ZNFX1: variants seen among roughly 807,000 people sequenced by gnomAD.
ZNFX1 encodes the protein zinc finger NFX1-type containing 1.
Under a neutral mutation model 179.8 loss-of-function variants are expected in ZNFX1, and 78 were observed. That is an observed-to-expected ratio of 0.43 (90% CI 0.36 to 0.52). The LOEUF (loss-of-function observed/expected upper bound fraction) is 0.52. Ranked by LOEUF, ZNFX1 falls within the 20% of genes least tolerant of loss-of-function variation. The pLI, the probability that ZNFX1 is intolerant of heterozygous loss-of-function variation, is 0.00. For missense variants in ZNFX1, 1,927 were observed against 2,386.6 expected, an observed-to-expected ratio of 0.81 and a Z score of 4.01; for synonymous variants, 848 against 868.5, an observed-to-expected ratio of 0.98 and a Z score of 0.42.
rs1568980659 is a variant in ZNFX1 at position 49,248,755 on chromosome 20, CAGG to C, written c.4266_4268del (p.Leu1423del). ...TACACTTGACTAGCAGACCACCATA[CAGG>C]AGGCCTTCCACATGACCACATTTTA... On this transcript the variant is annotated inframe_deletion, in exon 14 of 14. Coordinates refer to ENST00000396105, the MANE Select transcript of ZNFX1 (RefSeq NM_021035.3). This position sits in a 1 kb window ranked among gnomAD's most constrained non-coding sequence, Gnocchi z 4.6. 1 of 1,613,866 alleles carries C rather than the reference CAGG, an allele frequency of 6.2e-7. No homozygotes were observed. The highest frequency in any genetic ancestry group is 1.7e-5 in the Admixed American group (1 of 60,036).
intron 6 of ZNFX1, among the ~76,000 whole-genome samples, chr20:49,262,040 TA>T (rs11478099): frequency 0.66 from 97,956 of 148,618 alleles, 33,545 homozygotes; most frequent in Non-Finnish European, 0.77. Flanking sequence ...ATCATATTGT[TA>T]AAAAAAAAAA....
Position 49,255,861 on chromosome 20 carries a change from G to C in ZNFX1, c.2751C>G (p.Asn917Lys). ...CCAGCTGCCAAACATCCTCGATCTC[G>C]TTGGCCTCGGCTGCAGTCATGGTGT... The part of the protein sequence containing the change: ...KLNTMTAAEA[N>K]EIEDVWQLDL... Residue 917 changes from asparagine (N) to lysine (K), a missense_variant, in exon 9 of 14, where the codon AAC becomes AAG. Asn to Lys is a moderately conservative substitution (Grantham distance 94). Transcript: ENST00000396105. 1 of 1,614,146 alleles carries C rather than the reference G, an allele frequency of 6.2e-7. No homozygotes were observed. Among genetic ancestry groups the C allele is most frequent in the Non-Finnish European group, 8.5e-7 (1 of 1,180,012 alleles).
In ZNFX1 at chr20:49,271,318, G is replaced by A. The variant is rs1600997303; in HGVS notation, c.494C>T (p.Ala165Val). The A allele has an allele frequency of 6.2e-7, 1 of 1,614,142 alleles. No homozygotes were observed. Among genetic ancestry groups the A allele is most frequent in the Non-Finnish European group, 8.5e-7 (1 of 1,180,020 alleles). ...KDPSEVVITL[A>V]TSLGLKELLS... ...GAGCTCTTTCAGCCCTAAACTTGTG[G>A]CAAGTGTGATGACCACCTCAGAAGG... Residue 165 changes from alanine to valine, a missense_variant, in exon 3 of 14, where the codon GCC becomes GTC. Coordinates refer to ENST00000396105, the MANE Select transcript of ZNFX1 (RefSeq NM_021035.3).
intron 8 of ZNFX1, 73 bp downstream of exon 8, chr20:49,257,344 T>C: frequency 6.3e-7 from 1 of 1,584,434 alleles, no homozygotes; most frequent in Non-Finnish European, 8.6e-7. Flanking sequence ...GTGAATATAC[T>C]GTATCAGAAG....
At position 49,257,456 on chromosome 20, in the gene ZNFX1, C is replaced by T. The variant is rs1296555738; in HGVS notation, c.2625G>A (p.Gly875=). 6.2e-7 allele frequency: 1 copy of T among 1,614,106 alleles called. No individual in the cohort carries two copies. The highest frequency in any genetic ancestry group is 2.2e-5 in the East Asian group (1 of 44,864). Residue 875 remains glycine, a synonymous_variant, in exon 8 of 14, where the codon GGG becomes GGA. Transcript: ENST00000396105. ...LAMRLDHCGT[G]TAAGQEQATG... ...TGGCTTGCTCCTGTCCAGCTGCTGTCCCAGTGCCACAATGGTCTAGCCTCA... is the reference window on the plus strand; with the variant it reads ...TGGCTTGCTCCTGTCCAGCTGCTGTTCCAGTGCCACAATGGTCTAGCCTCA...
Position 49,263,480 on chromosome 20 carries a change from T to G in ZNFX1, c.2155A>C (p.Met719Leu). 6.3e-7 allele frequency: 1 copy of G among 1,578,474 alleles called. No individual in the cohort carries two copies. The stretch of plus-strand genomic sequence containing the variant: ...TGCTCTGACTCCTTCATCTGTGTCA[T>G]GATCTTCCAAGAACAGAGGGAAAGA... ...MHLRRAYMSI[M>L]TQMKESEQEL... The change falls in exon 6 of 14, where the codon ATG becomes CTG. Residue 719 changes from methionine to leucine, a missense_variant. Met to Leu is a conservative substitution (Grantham distance 15). Transcript: ENST00000396105.
In ZNFX1 at chr20:49,270,204, G is replaced by A. The variant is rs778033820; in HGVS notation, c.1608C>T (p.Ile536=). Residue 536 remains isoleucine (I), a synonymous_variant, in exon 3 of 14, where the codon ATC becomes ATT. Coordinates refer to ENST00000396105, the MANE Select transcript of ZNFX1 (RefSeq NM_021035.3). The surrounding 1 kb of genome is among the most constrained non-coding windows in gnomAD (Gnocchi z 4.6). ...CCTTCACATGAGAGTTACACTCCAC[G>A]ATATTCCTCTGGAAGGGAACATCTT... ...QEEDVPFQRN[I]VECNSHVKEP... is the part of the protein sequence containing the mutation. 6.8e-6 allele frequency: 11 copies of A among 1,613,908 alleles called. No individual in the cohort carries two copies. The highest frequency in any genetic ancestry group is 3.3e-5 in the Admixed American group (2 of 60,000).
Position 49,271,546 on chromosome 20 carries a change from C to T in ZNFX1, c.266G>A (p.Ser89Asn). 6.2e-7 allele frequency: 1 copy of T among 1,614,204 alleles called. No individual in the cohort carries two copies. The highest frequency in any genetic ancestry group is 8.5e-7 in the Non-Finnish European group (1 of 1,180,034). ...ATGTCTTTGGTCTCTAGCTTCGTCG[C>T]TGGCATGCCCCTCCTGGTTCCTCCT... Reference protein sequence around the residue: ...QGRRNQEGHASDEARDQRHDQ... With the variant: ...QGRRNQEGHANDEARDQRHDQ... The change falls in exon 3 of 14, where the codon AGC becomes AAC. Residue 89 changes from serine (S) to asparagine (N), a missense_variant. Transcript: ENST00000396105.
chr20:49,251,842 C>CT (rs71186445), intron 12 of ZNFX1, among the ~76,000 whole-genome samples: 7,981 of 134,184 alleles, frequency 0.059, 743 homozygotes, highest in African/African-American at 0.2. Context: ...ATTTTTCTTT[C>CT]TTTTTTTTTT....
At chr20:49,257,195 C>A (rs924470819) in intron 8 of ZNFX1, among the ~76,000 whole-genome samples, 3 of 152,232 alleles carry the variant, frequency 2.0e-5, no homozygotes, top group African/African-American at 7.2e-5. Flanking sequence ...TGGCTACCTG[C>A]TTCCTGTCTT....
rs149436860 is a variant in ZNFX1, at chr20:49,248,335, C to T, written c.4689G>A (p.Arg1563=). 9.3e-6 allele frequency: 15 copies of T among 1,613,932 alleles called. No individual in the cohort carries two copies. The South Asian group carries it at 1.6e-4, about 18-fold the overall frequency. The change falls in exon 14 of 14, where the codon CGG becomes CGA. Residue 1563 remains arginine (R), a synonymous_variant. Transcript: ENST00000396105. This position sits in a 1 kb window ranked among gnomAD's most constrained non-coding sequence, Gnocchi z 4.6. ...GGGTGACCTCATCCATGTGGCAGAT[C>T]CGGCATTTCTTGGGGCATGGCTCCC... The part of the protein sequence containing the change: ...LCGEPCPKKC[R]ICHMDEVTQI...
rs1233003285 is a variant in ZNFX1 at position 49,247,530 on chromosome 20, G to A, written c.5494C>T (p.Arg1832Ter). The change falls in exon 14 of 14, where the codon CGA becomes TGA. Residue 1832 changes from arginine (R) to a stop codon, truncating the protein, a stop_gained. Transcript: ENST00000396105. LOFTEE classifies it high-confidence loss of function. ...CSGLGISEEE[R>*]VQIVSAIGYP... ...CCTATGGCACTGACAATCTGCACTC[G>A]CTCTTCCTCTGAGATGCCCAGGCCA... The A allele has an allele frequency of 5.6e-6, 9 of 1,614,050 alleles. No homozygotes were observed. The highest frequency in any genetic ancestry group is 3.3e-5 in the South Asian group (3 of 91,090).
intron 6 of ZNFX1, among the ~76,000 whole-genome samples, chr20:49,260,867 G>C (rs938812764): frequency 6.6e-6 from 1 of 152,162 alleles, no homozygotes; most frequent in Non-Finnish European, 1.5e-5. Flanking sequence ...GATCACCTGA[G>C]GTCACGAGTT....
intron 1 of ZNFX1, among the ~76,000 whole-genome samples, chr20:49,277,607 G>C (rs1227584239): frequency 6.6e-6 from 1 of 151,626 alleles, no homozygotes; most frequent in Non-Finnish European, 1.5e-5. Flanking sequence ...GGGTGCTGGG[G>C]AGAGCGACGG....
rs1239057653 is a variant in ZNFX1, at chr20:49,248,602, C to T, written c.4422G>A (p.Lys1474=). 1 of 1,614,166 alleles carries T rather than the reference C, an allele frequency of 6.2e-7. No individual in the cohort carries two copies. The highest frequency in any genetic ancestry group is 8.5e-7 in the Non-Finnish European group (1 of 1,180,044). ...ACTCACCAATGCATGGTTCCTGGCA[C>T]TTGTGTGAGCAGATAAGCAGGCGCT... The part of the protein sequence containing the change: ...PCKRLLICSH[K]CQEPCIGECP... The change falls in exon 14 of 14, where the codon AAG becomes AAA. Residue 1474 remains lysine, a synonymous_variant. Coordinates refer to ENST00000396105, the MANE Select transcript of ZNFX1 (RefSeq NM_021035.3). This position sits in a 1 kb window ranked among gnomAD's most constrained non-coding sequence, Gnocchi z 4.6.
Position 49,270,403 on chromosome 20 carries a change from G to C in ZNFX1, c.1409C>G (p.Ser470Cys), listed in dbSNP as rs1262757584. Reference protein sequence around the residue: ...NFETFLFATVSNREQEDLCRG... With the variant: ...NFETFLFATVCNREQEDLCRG... ...GCAGAGATCTTCCTGCTCCCTGTTA[G>C]ATACGGTGGCAAAAAGAAATGTCTC... Residue 470 changes from serine (S) to cysteine (C), a missense_variant, in exon 3 of 14, where the codon TCT becomes TGT. Ser to Cys is a moderately radical substitution (Grantham distance 112). Transcript: ENST00000396105. This position sits in a 1 kb window ranked among gnomAD's most constrained non-coding sequence, Gnocchi z 4.6. 6.2e-7 allele frequency: 1 copy of C among 1,614,224 alleles called. No individual in the cohort carries two copies. Among genetic ancestry groups the C allele is most frequent in the East Asian group, 2.2e-5 (1 of 44,892 alleles).
chr20:49,277,945 C>T (rs557789978), intron 1 of ZNFX1, 76 bp downstream of exon 1: 93 of 154,488 alleles, frequency 6.0e-4, no homozygotes, highest in African/African-American at 2.1e-3. Flanking sequence ...GAGGCAGTGG[C>T]GGGTCGGCGC....
Position 49,247,069 on chromosome 20 carries a change from ATGT to A in ZNFX1, c.*195_*197del. On this transcript the variant is annotated 3_prime_UTR_variant, in exon 14 of 14. Coordinates refer to ENST00000396105, the MANE Select transcript of ZNFX1 (RefSeq NM_021035.3). ...TTTTTAGTAGAGACGGGGTTTCGCC[ATGT>A]TGGTCAGGCTGGTCTCGAACTCCTG... 3.1e-6 allele frequency: 2 copies of A among 636,440 alleles called. No individual in the cohort carries two copies. Among genetic ancestry groups the A allele is most frequent in the Non-Finnish European group, 5.3e-6 (2 of 379,664 alleles). The allele number at this position is 636,440 out of a possible 1,614,324, so 39.4% of individuals were successfully genotyped here. A position where few individuals can be genotyped will look rare whatever the true frequency, so the allele number is the denominator to read the frequency against.
chr20:49,261,837 G>T (rs6125603), intron 6 of ZNFX1, among the ~76,000 whole-genome samples: 1 of 150,492 alleles, frequency 6.6e-6, no homozygotes, highest in Non-Finnish European at 1.5e-5. Context: ...TAGTAGAGAC[G>T]GGGTTTCAGC....
Sources: gnomAD v4.1 joint callset for allele counts (sites outside exome capture counted in the v4.1 genomes callset) on GRCh38, gnomAD v4.1.1 for gene constraint, Gnocchi (gnomAD v3.1) non-coding constraint, MANE v1.5 for transcripts, NCBI Gene and HGNC (gene_info 2026-07-23, HGNC 2026-07-21) for gene names.